Variants in SLC7A1 observed in about 807,000 individuals in gnomAD.
The protein encoded by SLC7A1 is high affinity cationic amino acid transporter 1.
In SLC7A1, 10 loss-of-function variants were observed where a neutral mutation model predicts 53.9. That is an observed-to-expected ratio of 0.19 (90% CI 0.11 to 0.31). SLC7A1 has a LOEUF of 0.31. Among genes scored for constraint, SLC7A1 ranks in the 10% least tolerant of loss-of-function variants. SLC7A1 has a pLI of 1.00. For synonymous variants in SLC7A1, 342 were observed against 338.7 expected (o/e 1.01, Z -0.11); for missense variants, 525 against 827.2 (o/e 0.63, Z 4.48).
chr13:29,563,383 A>T (rs1870842229), intron 1 of SLC7A1, among the ~76,000 whole-genome samples: 1 of 152,216 alleles, frequency 6.6e-6, no homozygotes, highest in Non-Finnish European at 1.5e-5. Context: ...TTGATGTTTC[A>T]CTATTTAAAT....
At chr13:29,583,513 T>C (rs967301878) in intron 1 of SLC7A1, among the ~76,000 whole-genome samples, 12 of 152,184 alleles carry the variant, frequency 7.9e-5, no homozygotes, top group South Asian at 2.1e-4. Context: ...TCAAACTCTA[T>C]GCAGGGTGAC....
chr13:29,545,013 A>G (rs1869852534), intron 2 of SLC7A1, among the ~76,000 whole-genome samples: 1 of 152,074 alleles, frequency 6.6e-6, no homozygotes, highest in Admixed American at 6.5e-5. Context: ...CAGCACACGC[A>G]GCAGTCAGTA....
intron 2 of SLC7A1, among the ~76,000 whole-genome samples, chr13:29,536,577 A>C (rs1258358114): frequency 6.6e-6 from 1 of 152,240 alleles, no homozygotes; most frequent in Non-Finnish European, 1.5e-5. Flanking sequence ...AGGAAAAACA[A>C]GGTGTTAGTT....
chr13:29,576,756 C>A (rs1297802815), intron 1 of SLC7A1, among the ~76,000 whole-genome samples: 1 of 152,138 alleles, frequency 6.6e-6, no homozygotes, highest in African/African-American at 2.4e-5. Context: ...TGCTGCCCAA[C>A]TGATAAATGC....
chr13:29,583,290 A>G (rs1871731795), intron 1 of SLC7A1, among the ~76,000 whole-genome samples: 1 of 152,208 alleles, frequency 6.6e-6, no homozygotes, highest in Non-Finnish European at 1.5e-5. Context: ...GTCACTGCTC[A>G]TTTGGATATG....
intron 5 of SLC7A1, among the ~76,000 whole-genome samples, chr13:29,529,513 C>T (rs935731801): frequency 6.6e-6 from 1 of 152,188 alleles, no homozygotes; most frequent in Non-Finnish European, 1.5e-5. Context: ...CTCTCTTTTC[C>T]CTTCTGGAAG....
At chr13:29,529,045 C>T (rs1440774624) in intron 5 of SLC7A1, among the ~76,000 whole-genome samples, 2 of 152,158 alleles carry the variant, frequency 1.3e-5, no homozygotes, top group East Asian at 3.8e-4. Flanking sequence ...AAAGGCTACA[C>T]GTTACTTCAA....
intron 1 of SLC7A1, among the ~76,000 whole-genome samples, chr13:29,594,037 A>G (rs1872210347): frequency 6.6e-6 from 1 of 152,232 alleles, no homozygotes; most frequent in Non-Finnish European, 1.5e-5. Context: ...TTTTGTTTTA[A>G]TAACAGGAGG....
rs894288929 is a variant in SLC7A1 at position 29,549,307 on chromosome 13, C to T, written c.-15+4454G>A. 7.9e-5 allele frequency among the ~76,000 whole-genome samples: 12 copies of T among 152,316 alleles called. No individual in the cohort carries two copies. In the East Asian group the frequency reaches 1.2e-3, roughly 15 times the overall value. The stretch of plus-strand genomic sequence containing the variant: ...AGGAGGAAGCCAGCGAAGAACAAGG[C>T]AGCCCAGGATGCGGGACCAGTGCCA... On this transcript the variant is annotated intron_variant, in intron 2 of 12. Transcript: ENST00000380752.
At chr13:29,594,951 G>A (rs1348783271) in intron 1 of SLC7A1, among the ~76,000 whole-genome samples, 1 of 152,108 alleles carries the variant, frequency 6.6e-6, no homozygotes, top group African/African-American at 2.4e-5. Context: ...GGACCTCGTG[G>A]CGGGGCGGGG....
chr13:29,545,668 C>A (rs752919292), intron 2 of SLC7A1, among the ~76,000 whole-genome samples: 1 of 152,186 alleles, frequency 6.6e-6, no homozygotes, highest in Non-Finnish European at 1.5e-5. Flanking sequence ...GTCTCTGCCT[C>A]ACAGAAGCAG....
At chr13:29,529,607 G>T (rs1386286800) in intron 5 of SLC7A1, among the ~76,000 whole-genome samples, 1 of 152,234 alleles carries the variant, frequency 6.6e-6, no homozygotes, top group African/African-American at 2.4e-5. Flanking sequence ...CAAGACAGAA[G>T]ATGTCTAGGT....
In SLC7A1 at chr13:29,523,436, G is replaced by A. The variant is rs1321935006; in HGVS notation, c.879C>T (p.Ser293=). 2.5e-6 allele frequency: 4 copies of A among 1,613,824 alleles called. No individual in the cohort carries two copies. Among genetic ancestry groups the A allele is most frequent in the Non-Finnish European group, 3.4e-6 (4 of 1,180,032 alleles). The change falls in exon 7 of 13, where the codon TCC becomes TCT. Residue 293 remains serine (S), a synonymous_variant. Coordinates refer to ENST00000380752, the MANE Select transcript of SLC7A1 (RefSeq NM_003045.5). The stretch of plus-strand genomic sequence containing the variant: ...AGTAGGCGATGAAGCAGATCAAGAG[G>A]GACGCCACGATCCCCACGGGGATGG... ...QKAIPVGIVA[S]LLICFIAYFG... is the part of the protein sequence containing the mutation.
intron 1 of SLC7A1, among the ~76,000 whole-genome samples, chr13:29,576,287 G>A (rs1566275334): frequency 2.1e-4 from 1 of 4,820 alleles, no homozygotes; most frequent in African/African-American, 7.8e-4. Flanking sequence ...ATGAGATCCT[G>A]TTTTTTAAAA....
At chr13:29,590,411 A>C (rs898615940) in intron 1 of SLC7A1, among the ~76,000 whole-genome samples, 4 of 152,090 alleles carry the variant, frequency 2.6e-5, no homozygotes, top group Admixed American at 6.5e-5. Flanking sequence ...CATACACATA[A>C]ACATACACAT....
intron 9 of SLC7A1, among the ~76,000 whole-genome samples, chr13:29,518,282 C>T (rs1024918103): frequency 1.3e-5 from 2 of 152,196 alleles, no homozygotes; most frequent in African/African-American, 4.8e-5. Flanking sequence ...TATTTTAAAA[C>T]TCCAAGTACC....
chr13:29,529,381 A>C (rs568227767), intron 5 of SLC7A1, among the ~76,000 whole-genome samples: 1 of 152,324 alleles, frequency 6.6e-6, no homozygotes, highest in East Asian at 1.9e-4. Flanking sequence ...AAGATTCCCA[A>C]TGTGAGATAG....
rs926102507 is a variant in SLC7A1 at position 29,512,761 on chromosome 13, A to G, written c.*1719T>C. On this transcript the variant is annotated 3_prime_UTR_variant, in exon 13 of 13. Transcript: ENST00000380752. ...AAAATGAGATCAGAATAAAGCTCCC[A>G]GCAAGGTGAGCAGGCCTGATACGGA... 1 of 148,656 alleles carries G rather than the reference A, an allele frequency of 6.7e-6. No homozygotes were observed. Among genetic ancestry groups the G allele is most frequent in the African/African-American group, 2.4e-5 (1 of 40,892 alleles). 9.2% of individuals were successfully genotyped at this position (148,656 alleles called of 1,614,324 possible).
At chr13:29,581,889 T>C (rs1258475027) in intron 1 of SLC7A1, among the ~76,000 whole-genome samples, 3 of 152,228 alleles carry the variant, frequency 2.0e-5, no homozygotes, top group African/African-American at 7.2e-5. Context: ...CCTACTCCTT[T>C]AGCGGCAAAA....
Sources: allele counts gnomAD v4.1 joint callset (sites outside exome capture counted in the v4.1 genomes callset), GRCh38; gene constraint gnomAD v4.1.1; transcripts MANE v1.5; gene names NCBI Gene and HGNC (gene_info 2026-07-23, HGNC 2026-07-21).